Variants in NREP observed in about 807,000 individuals in gnomAD.
The protein encoded by NREP is neuronal regeneration-related protein.
NREP carries 5 observed loss-of-function variants against 8.6 expected under a neutral mutation model. That is an observed-to-expected ratio of 0.58 (90% CI 0.30 to 1.22). The LOEUF is 1.22. Ranked by LOEUF, NREP falls within the 50% of genes most tolerant of loss-of-function variation. NREP has a pLI of 0.07. For missense variants in NREP, 86 were observed against 82.5 expected (o/e 1.04, Z -0.17); for synonymous variants, 27 against 28.0 (o/e 0.96, Z 0.11).
intron 2 of NREP, among the ~76,000 whole-genome samples, chr5:111,897,151 A>G (rs189550803): frequency 1.2e-4 from 19 of 152,244 alleles, no homozygotes; most frequent in African/African-American, 3.8e-4. Context: ...TTTCATAATG[A>G]TACATTTTTA....
intron 2 of NREP, among the ~76,000 whole-genome samples, chr5:111,801,469 G>T (rs1002172212): frequency 4.6e-5 from 7 of 152,200 alleles, no homozygotes; most frequent in African/African-American, 9.6e-5. Context: ...TTATGTTAAA[G>T]ATGGTGACAT....
chr5:111,863,938 T>C (rs1753607910), intron 2 of NREP, among the ~76,000 whole-genome samples: 2 of 152,150 alleles, frequency 1.3e-5, no homozygotes, highest in African/African-American at 4.8e-5. Context: ...ATATGGAGTC[T>C]TAATGTCTGG....
At chr5:111,956,962 T>TATAA (rs1289300694) in intron 2 of NREP, among the ~76,000 whole-genome samples, 1 of 51,680 alleles carries the variant, frequency 1.9e-5, no homozygotes, top group Non-Finnish European at 4.1e-5. Flanking sequence ...AGACCATGTC[T>TATAA]CTAAATAAAT....
At chr5:111,881,611 C>T (rs1235898694) in intron 2 of NREP, among the ~76,000 whole-genome samples, 2 of 152,216 alleles carry the variant, frequency 1.3e-5, no homozygotes, top group Non-Finnish European at 2.9e-5. Context: ...CTCACACGAC[C>T]GGGTACTCCT....
Position 111,733,388 on chromosome 5 carries a change from G to A in NREP, c.81+2042C>T, listed in dbSNP as rs571718076. 2.6e-5 allele frequency: 4 copies of A among 152,224 alleles called. No homozygotes were observed. In the East Asian group the frequency reaches 5.8e-4, roughly 22 times the overall value. 9.4% of individuals were successfully genotyped at this position (152,224 alleles called of 1,614,324 possible). A position where few individuals can be genotyped will look rare whatever the true frequency, so the allele number is the denominator to read the frequency against. On this transcript the variant is annotated intron_variant, in intron 3 of 3. Transcript: ENST00000257435. ...GCCTGGAGCCCACCATGCCCGTGGA[G>A]AGAGGTGCTCCTGAGGAGACAGAGT...
intron 1 of NREP, among the ~76,000 whole-genome samples, chr5:111,976,326 C>T (rs558052578): frequency 3.3e-5 from 5 of 152,064 alleles, no homozygotes; most frequent in Admixed American, 6.6e-5. Flanking sequence ...GCCAACATTC[C>T]CCTTAAAACA....
chr5:111,864,563 GC>G (rs994302093), intron 2 of NREP, among the ~76,000 whole-genome samples: 14 of 152,190 alleles, frequency 9.2e-5, no homozygotes, highest in African/African-American at 3.4e-4. Flanking sequence ...TAAAACTGGA[GC>G]GGGGTGAAGT....
At chr5:111,928,977 T>C (rs1581227261) in intron 2 of NREP, among the ~76,000 whole-genome samples, 1 of 152,296 alleles carries the variant, frequency 6.6e-6, no homozygotes, top group East Asian at 1.9e-4. Context: ...AATTATTGTA[T>C]GTAGTTTTTC....
intron 2 of NREP, among the ~76,000 whole-genome samples, chr5:111,947,595 A>G (rs926386257): frequency 6.6e-6 from 1 of 152,034 alleles, no homozygotes; most frequent in Non-Finnish European, 1.5e-5. Flanking sequence ...AGGTAATGTA[A>G]TCTGTTCTTT....
At chr5:111,905,542 A>G (rs1754760616) in intron 2 of NREP, among the ~76,000 whole-genome samples, 1 of 152,154 alleles carries the variant, frequency 6.6e-6, no homozygotes, top group South Asian at 2.1e-4. Flanking sequence ...AATTATTTCT[A>G]ATTCCAAATA....
intron 2 of NREP, among the ~76,000 whole-genome samples, chr5:111,791,270 G>A (rs1042096099): frequency 6.6e-6 from 1 of 152,088 alleles, no homozygotes; most frequent in African/African-American, 2.4e-5. Flanking sequence ...ACAATGCATT[G>A]TTATTAACAA....
chr5:111,797,639 T>A (rs1448708857), intron 2 of NREP, among the ~76,000 whole-genome samples: 1 of 152,164 alleles, frequency 6.6e-6, no homozygotes, highest in Non-Finnish European at 1.5e-5. Flanking sequence ...GTCTCAGATG[T>A]CAAATGAGTA....
chr5:111,805,975 C>T (rs1469959065), intron 2 of NREP, among the ~76,000 whole-genome samples: 1 of 152,010 alleles, frequency 6.6e-6, no homozygotes, highest in Non-Finnish European at 1.5e-5. Context: ...AATTAGATTC[C>T]ACAGTGTACA....
At chr5:111,819,733 C>T (rs761554610) in intron 2 of NREP, among the ~76,000 whole-genome samples, 9 of 152,118 alleles carry the variant, frequency 5.9e-5, no homozygotes, top group Non-Finnish European at 1.3e-4. Context: ...ATTGTTGATA[C>T]ATTACATTGA....
At chr5:111,740,603 T>C (rs747052263) in intron 2 of NREP, among the ~76,000 whole-genome samples, 3 of 152,162 alleles carry the variant, frequency 2.0e-5, no homozygotes, top group Non-Finnish European at 2.9e-5. Context: ...TGACAACTAG[T>C]GCTCCAAATG....
intron 2 of NREP, among the ~76,000 whole-genome samples, chr5:111,762,907 G>A (rs997344235): frequency 6.6e-6 from 1 of 152,194 alleles, no homozygotes; most frequent in African/African-American, 2.4e-5. Context: ...CTGAGGAAGA[G>A]CCTGAAGCTA....
chr5:111,882,179 G>C (rs1163894705), intron 2 of NREP, among the ~76,000 whole-genome samples: 2 of 152,210 alleles, frequency 1.3e-5, no homozygotes, highest in Middle Eastern at 6.3e-3. Context: ...ACTACGTGAA[G>C]AATGCAGAAG....
chr5:111,830,185 ATTG>A (rs1752731400), intron 2 of NREP, among the ~76,000 whole-genome samples: 1 of 152,070 alleles, frequency 6.6e-6, no homozygotes, highest in South Asian at 2.1e-4. Context: ...TTCATCAGCT[ATTG>A]TTAATGTTAG....
At position 111,735,601 on chromosome 5, in the gene NREP, T is replaced by A. The variant is rs567370065; in HGVS notation, c.4-94A>T. 7.1e-4 allele frequency: 579 copies of A among 813,106 alleles called. 8 individuals carry two copies. The South Asian group carries it at 8.9e-3, about 13-fold the overall frequency. 50.4% of individuals were successfully genotyped at this position (813,106 alleles called of 1,614,324 possible). A position where few individuals can be genotyped will look rare whatever the true frequency, so the allele number is the denominator to read the frequency against. On this transcript the variant is annotated intron_variant, in intron 2 of 3. Coordinates refer to ENST00000257435, the MANE Select transcript of NREP (RefSeq NM_004772.4). The stretch of plus-strand genomic sequence containing the variant: ...CCTTAATGAGCTCAATTCTCCTCAA[T>A]GGTTACTTATTCCCGACTACCACTT...
Sources: allele counts gnomAD v4.1 joint callset (sites outside exome capture counted in the v4.1 genomes callset), GRCh38; gene constraint gnomAD v4.1.1; transcripts MANE v1.5; gene names NCBI Gene and HGNC (gene_info 2026-07-23, HGNC 2026-07-21).